Variants in AGFG1 observed in about 807,000 individuals in gnomAD.
AGFG1 encodes the protein arf-GAP domain and FG repeat-containing protein 1.
In AGFG1, 10 loss-of-function variants were observed where a neutral mutation model predicts 60.6. That is an observed-to-expected ratio of 0.16 (90% CI 0.10 to 0.28). AGFG1 has a LOEUF of 0.28. Among genes scored for constraint, AGFG1 ranks in the 10% least tolerant of loss-of-function variants. AGFG1 has a pLI of 1.00. For missense variants in AGFG1, 537 were observed against 676.5 expected (o/e 0.79, Z 2.29); for synonymous variants, 247 against 242.9 (o/e 1.02, Z -0.16).
At chr2:227,539,580 A>T (rs1333682351) in intron 10 of AGFG1, among the ~76,000 whole-genome samples, 2 of 151,646 alleles carry the variant, frequency 1.3e-5, no homozygotes, top group Non-Finnish European at 2.9e-5. Flanking sequence ...AACATGGCGA[A>T]CCCCGTTTCT....
In AGFG1 at chr2:227,496,984, A is replaced by T. The variant is rs149160168; in HGVS notation, c.261+5344A>T. On this transcript the variant is annotated intron_variant, in intron 2 of 12. Transcript: ENST00000310078. Reference sequence around the variant, plus strand: ...AATTGATAGTTATTTTAGTAACAACATATTGCCATGTAGAGTGGCAGAGTT... The same window carrying T: ...AATTGATAGTTATTTTAGTAACAACTTATTGCCATGTAGAGTGGCAGAGTT... Among the ~76,000 whole-genome samples, 3 of 152,324 alleles carry T rather than the reference A, an allele frequency of 2.0e-5. No homozygotes were observed. In the East Asian group the frequency reaches 5.8e-4, roughly 29 times the overall value.
chr2:227,536,829 A>G (rs1692329498), intron 9 of AGFG1, 72 bp from the exon 10 acceptor site: 1 of 1,540,196 alleles, frequency 6.5e-7, no homozygotes, highest in Non-Finnish European at 8.9e-7. Flanking sequence ...CTTGATAAAT[A>G]TAGTGAAATA....
At chr2:227,508,706 T>C (rs1423189902) in intron 2 of AGFG1, 5 of 443,268 alleles carry the variant, frequency 1.1e-5, no homozygotes, top group Non-Finnish European at 2.3e-5. Flanking sequence ...TTTTTTCTTT[T>C]TAGGAAATAA....
chr2:227,486,124 A>T (rs1040644990), intron 1 of AGFG1, among the ~76,000 whole-genome samples: 3 of 152,194 alleles, frequency 2.0e-5, no homozygotes, highest in Non-Finnish European at 4.4e-5. Context: ...CTTAAGAGAG[A>T]TATCTGAGGT....
chr2:227,536,057 A>G (rs566287111), intron 8 of AGFG1, among the ~76,000 whole-genome samples: 107 of 152,158 alleles, frequency 7.0e-4, no homozygotes, highest in Non-Finnish European at 1.4e-3. Flanking sequence ...TCTAGGGTAC[A>G]TGTGCACAAC....
chr2:227,531,617 G>A (rs1692162756), intron 6 of AGFG1, among the ~76,000 whole-genome samples: 1 of 139,578 alleles, frequency 7.2e-6, no homozygotes, highest in African/African-American at 2.7e-5. Flanking sequence ...TTTTTTGGTA[G>A]CAGCTGGGTC....
chr2:227,497,761 T>TTTTTTTTTTTTTTTTG lies in AGFG1; in HGVS notation c.261+6121_261+6122insTTTTTTTTTTTTTTTG, dbSNP rs546987888. On this transcript the variant is annotated intron_variant, in intron 2 of 12. Coordinates refer to ENST00000310078, the MANE Select transcript of AGFG1 (RefSeq NM_004504.5). ...TTTTTTTTTTTTTTTTTTTTTTTTT[T>TTTTTTTTTTTTTTTTG]GGGGACGGAGTCTTACTCTGTCGCC... Among the ~76,000 whole-genome samples the TTTTTTTTTTTTTTTTG allele has an allele frequency of 9.4e-4, 61 of 65,150 alleles. 5 individuals carry two copies. Among genetic ancestry groups the TTTTTTTTTTTTTTTTG allele is most frequent in the Non-Finnish European group, 1.5e-3 (45 of 29,972 alleles). 42.7% of individuals were successfully genotyped at this position (65,150 alleles called of 152,430 possible).
intron 10 of AGFG1, among the ~76,000 whole-genome samples, chr2:227,548,124 G>C (rs979457366): frequency 1.3e-5 from 2 of 152,222 alleles, no homozygotes; most frequent in African/African-American, 4.8e-5. Context: ...TGTATGAAAT[G>C]TCCAGAATTG....
chr2:227,537,360 C>G (rs1692344513), intron 10 of AGFG1, among the ~76,000 whole-genome samples: 1 of 152,156 alleles, frequency 6.6e-6, no homozygotes, highest in African/African-American at 2.4e-5. Context: ...GTCACTCATG[C>G]AGTCTTAATG....
chr2:227,549,162 C>T (rs1158076550), intron 10 of AGFG1, among the ~76,000 whole-genome samples: 1 of 151,990 alleles, frequency 6.6e-6, no homozygotes, highest in Non-Finnish European at 1.5e-5. Flanking sequence ...TGTCTCTATC[C>T]CTCCACCTCA....
intron 1 of AGFG1, among the ~76,000 whole-genome samples, chr2:227,481,563 A>G (rs557344526): frequency 6.6e-6 from 1 of 152,244 alleles, no homozygotes; most frequent in East Asian, 1.9e-4. Context: ...TTCTCCATAA[A>G]GTCACTTACT....
In AGFG1 at chr2:227,557,588, AC is replaced by A. The variant is rs1230342327; in HGVS notation, c.*3094del. The A allele has an allele frequency of 1.1e-5, 1 of 93,360 alleles. No homozygotes were observed. Among genetic ancestry groups the A allele is most frequent in the African/African-American group, 3.5e-5 (1 of 28,192 alleles). 5.8% of individuals were successfully genotyped at this position (93,360 alleles called of 1,614,324 possible). On this transcript the variant is annotated 3_prime_UTR_variant, in exon 13 of 13. Coordinates refer to ENST00000310078, the MANE Select transcript of AGFG1 (RefSeq NM_004504.5). ...AAATTAATACTGAGATATTTTTAAA[AC>A]ATGTTTATTTATTTAAGTATAACAG...
At chr2:227,483,984 A>C (rs542548829) in intron 1 of AGFG1, among the ~76,000 whole-genome samples, 1 of 152,124 alleles carries the variant, frequency 6.6e-6, no homozygotes, top group African/African-American at 2.4e-5. Context: ...TGTTACATAT[A>C]TATACACATG....
At chr2:227,553,964 ACCTTTT>A (rs1247020712) in intron 12 of AGFG1, among the ~76,000 whole-genome samples, 169 bp downstream of exon 12, 1 of 152,204 alleles carries the variant, frequency 6.6e-6, no homozygotes, top group African/African-American at 2.4e-5. Context: ...TCCTTTTCTG[ACCTTTT>A]AAAAAATTAG....
intron 2 of AGFG1, among the ~76,000 whole-genome samples, chr2:227,518,902 G>T (rs1691738760): frequency 6.6e-6 from 1 of 152,204 alleles, no homozygotes; most frequent in Admixed American, 6.5e-5. Context: ...GCTGGGCATG[G>T]TGGCTCGCGC....
chr2:227,539,316 G>T (rs952078633), intron 10 of AGFG1, among the ~76,000 whole-genome samples: 1 of 151,980 alleles, frequency 6.6e-6, no homozygotes. Flanking sequence ...GGTGGTACGT[G>T]CCTGTAGTCC....
At chr2:227,517,228 A>G (rs970765171) in intron 2 of AGFG1, among the ~76,000 whole-genome samples, 1 of 152,178 alleles carries the variant, frequency 6.6e-6, no homozygotes, top group Non-Finnish European at 1.5e-5. Flanking sequence ...ACTTTATAGT[A>G]TCTGTACTGA....
chr2:227,517,267 T>C (rs1691679597), intron 2 of AGFG1, among the ~76,000 whole-genome samples: 1 of 151,842 alleles, frequency 6.6e-6, no homozygotes, highest in South Asian at 2.1e-4. Context: ...CCACAAGAAA[T>C]ATATATATAG....
chr2:227,476,834 C>G (rs1690296653), intron 1 of AGFG1, among the ~76,000 whole-genome samples: 1 of 151,544 alleles, frequency 6.6e-6, no homozygotes, highest in African/African-American at 2.4e-5. Flanking sequence ...TTTGGATACT[C>G]TGATATGGCC....
Sources: allele counts gnomAD v4.1 joint callset (sites outside exome capture counted in the v4.1 genomes callset), GRCh38; gene constraint gnomAD v4.1.1; transcripts MANE v1.5; gene names NCBI Gene and HGNC (gene_info 2026-07-23, HGNC 2026-07-21).